The following SLC39A11 variants were observed in gnomAD, a reference collection of about 807,000 sequenced individuals.
The protein encoded by SLC39A11 is zinc transporter ZIP11.
Under a neutral mutation model 36.1 loss-of-function variants are expected in SLC39A11, and 33 were observed. The ratio of observed to expected loss-of-function variants is 0.91; its 90% CI spans 0.69 to 1.22. SLC39A11 has a LOEUF of 1.22. SLC39A11 is among the 50% of genes most tolerant of loss of function. The pLI is 0.00. For missense variants in SLC39A11, 432 were observed against 430.3 expected, an observed-to-expected ratio of 1.00 and a Z score of -0.03; for synonymous variants, 166 against 170.3, an observed-to-expected ratio of 0.97 and a Z score of 0.20.
At chr17:72,771,057 C>CTT (rs4036978) in intron 6 of SLC39A11, among the ~76,000 whole-genome samples, 5 of 145,206 alleles carry the variant, frequency 3.4e-5, no homozygotes, top group African/African-American at 1.3e-4. Flanking sequence ...CATTTCTATA[C>CTT]TTTTTTTTTT....
At chr17:72,818,242 A>C (rs2077647598) in intron 6 of SLC39A11, among the ~76,000 whole-genome samples, 1 of 152,072 alleles carries the variant, frequency 6.6e-6, no homozygotes, top group African/African-American at 2.4e-5. Context: ...AATCATCTTG[A>C]CCCGAAAGGT....
At chr17:72,838,528 C>T (rs114578039) in intron 6 of SLC39A11, among the ~76,000 whole-genome samples, 2,265 of 152,196 alleles carry the variant, frequency 0.015, 46 homozygotes, top group African/African-American at 0.051. Context: ...CTGTGCCTGG[C>T]CTTGAATTGT....
At chr17:72,816,456 C>T (rs904800164) in intron 6 of SLC39A11, among the ~76,000 whole-genome samples, 1 of 112 alleles carries the variant, frequency 8.9e-3, no homozygotes, top group Non-Finnish European at 0.016. Context: ...AGAAGCGAAA[C>T]ATTTAAAAGC....
rs759842114 is a variant in SLC39A11, at chr17:72,910,623, C to CAAAAA, written c.430+37124_430+37128dup. On this transcript the variant is annotated intron_variant, in intron 5 of 9. Transcript: ENST00000255559. ...TGGGCAACAGAGCAAGACTCCGTCT[C>CAAAAA]AAAAAAAAAAAAAAAAAAAAAGGCT... 7.8e-3 allele frequency among the ~76,000 whole-genome samples: 391 copies of CAAAAA among 49,838 alleles called. 20 individuals carry two copies. Among genetic ancestry groups the CAAAAA allele is most frequent in the Middle Eastern group, 0.019 (1 of 52 alleles). The allele number at this position is 49,838 out of a possible 152,430, so 32.7% of individuals were successfully genotyped here. A position where few individuals can be genotyped will look rare whatever the true frequency, so the allele number is the denominator to read the frequency against.
chr17:72,664,972 C>A (rs59161134), intron 7 of SLC39A11, among the ~76,000 whole-genome samples: 10,041 of 152,304 alleles, frequency 0.066, 516 homozygotes, highest in African/African-American at 0.13. Context: ...CTGGAACATT[C>A]CTTCTCAGTT....
intron 3 of SLC39A11, among the ~76,000 whole-genome samples, chr17:73,054,071 A>G (rs2059590766): frequency 6.6e-6 from 1 of 152,128 alleles, no homozygotes; most frequent in Non-Finnish European, 1.5e-5. Context: ...CCCAAAGAAA[A>G]TCTCTAATGC....
chr17:72,899,331 C>G (rs1446889265), intron 5 of SLC39A11, among the ~76,000 whole-genome samples: 1 of 111,018 alleles, frequency 9.0e-6, no homozygotes, highest in Non-Finnish European at 1.7e-5. Flanking sequence ...CCAAACCCAA[C>G]TACAGACTGA....
At chr17:72,799,508 T>C (rs1322857210) in intron 6 of SLC39A11, among the ~76,000 whole-genome samples, 1 of 152,116 alleles carries the variant, frequency 6.6e-6, no homozygotes, top group Non-Finnish European at 1.5e-5. Flanking sequence ...AGGGAAGATA[T>C]TGCTAAATTC....
chr17:72,963,839 G>A (rs768545782), intron 4 of SLC39A11, among the ~76,000 whole-genome samples: 17 of 152,268 alleles, frequency 1.1e-4, no homozygotes, highest in Non-Finnish European at 2.1e-4. Flanking sequence ...CACAGGAGAC[G>A]CAATGTCCAG....
At chr17:72,853,409 ACT>A (rs1192663743) in intron 5 of SLC39A11, among the ~76,000 whole-genome samples, 2 of 151,648 alleles carry the variant, frequency 1.3e-5, no homozygotes, top group Non-Finnish European at 2.9e-5. Flanking sequence ...CTAAACACAC[ACT>A]CTAACAATCA....
chr17:73,009,058 C>CACAAAA (rs2090353845), intron 4 of SLC39A11, among the ~76,000 whole-genome samples: 1 of 78,816 alleles, frequency 1.3e-5, no homozygotes, highest in African/African-American at 4.6e-5. Context: ...AGACCTGCCT[C>CACAAAA]AAAAAAAAAA....
At chr17:72,861,688 TAAA>T (rs1555605494) in intron 5 of SLC39A11, among the ~76,000 whole-genome samples, 44 of 88,652 alleles carry the variant, frequency 5.0e-4, no homozygotes, top group East Asian at 1.2e-3. Context: ...TATATATATA[TAAA>T]ATATATATAT....
chr17:72,833,794 T>C (rs2078390632), intron 6 of SLC39A11, among the ~76,000 whole-genome samples: 1 of 152,108 alleles, frequency 6.6e-6, no homozygotes, highest in Non-Finnish European at 1.5e-5. Context: ...GACATCATGA[T>C]GCTCTCGAGC....
intron 5 of SLC39A11, among the ~76,000 whole-genome samples, chr17:72,931,502 C>T (rs1023019252): frequency 6.6e-6 from 1 of 152,304 alleles, no homozygotes; most frequent in African/African-American, 2.4e-5. Flanking sequence ...GCCCAGAACC[C>T]GCTCTCCGTT....
intron 3 of SLC39A11, among the ~76,000 whole-genome samples, chr17:73,045,265 C>G (rs2059242256): frequency 6.6e-6 from 1 of 151,786 alleles, no homozygotes; most frequent in African/African-American, 2.4e-5. Flanking sequence ...TGTAGGTCCC[C>G]CAGGTGAAGT....
At chr17:73,056,076 C>T (rs950659830) in intron 3 of SLC39A11, among the ~76,000 whole-genome samples, 4 of 152,162 alleles carry the variant, frequency 2.6e-5, no homozygotes, top group Non-Finnish European at 4.4e-5. Flanking sequence ...CCCTGGAGGG[C>T]ACAGGAGAGG....
At chr17:72,649,650 T>TC (rs1402783003) in intron 7 of SLC39A11, among the ~76,000 whole-genome samples, 1 of 150,832 alleles carries the variant, frequency 6.6e-6, no homozygotes, top group Non-Finnish European at 1.5e-5. Flanking sequence ...TTTTCTTTTT[T>TC]TTTTTTTTTG....
At chr17:73,008,499 C>T (rs1390251716) in intron 4 of SLC39A11, among the ~76,000 whole-genome samples, 1 of 152,180 alleles carries the variant, frequency 6.6e-6, no homozygotes. Flanking sequence ...GTGGCTCCAG[C>T]AAGCTGTGGG....
intron 5 of SLC39A11, among the ~76,000 whole-genome samples, chr17:72,868,233 T>C (rs959536626): frequency 6.6e-6 from 1 of 152,158 alleles, no homozygotes; most frequent in Non-Finnish European, 1.5e-5. Context: ...CCATGCTAAC[T>C]ATTCCAGAGA....
Sources: gnomAD v4.1 joint callset for allele counts (sites outside exome capture counted in the v4.1 genomes callset) on GRCh38, gnomAD v4.1.1 for gene constraint, MANE v1.5 for transcripts, NCBI Gene and HGNC (gene_info 2026-07-23, HGNC 2026-07-21) for gene names.